Variants in HSPA14 observed in about 807,000 individuals in gnomAD.
The protein encoded by HSPA14 is heat shock protein family A (Hsp70) member 14.
A neutral mutation model predicts 65.5 loss-of-function variants in HSPA14; 37 were observed. The observed-to-expected ratio is 0.56, with a 90% confidence interval of 0.43 to 0.74. HSPA14 has a LOEUF of 0.74. Among genes scored for constraint, HSPA14 ranks in the 30% least tolerant of loss-of-function variants. The pLI is 0.00. For synonymous variants in HSPA14, 203 were observed against 214.2 expected, an observed-to-expected ratio of 0.95 and a Z score of 0.46; for missense variants, 564 against 607.6, an observed-to-expected ratio of 0.93 and a Z score of 0.75.
chr10:14,867,734 A>G lies in HSPA14; in HGVS notation c.1207-2A>G. On this transcript the variant is annotated splice_acceptor_variant, in intron 11 of 13. Transcript: ENST00000378372. LOFTEE classifies it high-confidence loss of function. ...GTATGCACCTTGTTTCCTGCTAACT[A>G]GGGTGTGGACGAATCAGGAGCCAGT... is the stretch of plus-strand genomic sequence containing the variant. 1 of 1,610,566 alleles carries G rather than the reference A, an allele frequency of 6.2e-7. No individual in the cohort carries two copies. The highest frequency in any genetic ancestry group is 8.5e-7 in the Non-Finnish European group (1 of 1,178,910).
chr10:14,845,623 T>C, intron 3 of HSPA14: 1 of 811,474 alleles, frequency 1.2e-6, no homozygotes, highest in African/African-American at 1.9e-5. Context: ...AGAAAAAGTC[T>C]CACTGTTTTG....
At chr10:14,846,076 A>G in intron 3 of HSPA14, 1 of 980,654 alleles carries the variant, frequency 1.0e-6, no homozygotes, top group Non-Finnish European at 1.2e-6. Flanking sequence ...ATTAATATTT[A>G]TTAATATGCT....
intron 3 of HSPA14, chr10:14,845,136 C>A: frequency 1.0e-6 from 1 of 985,426 alleles, no homozygotes; most frequent in Non-Finnish European, 1.2e-6. Flanking sequence ...CAGACACACA[C>A]TGGGGAGAGA....
chr10:14,857,105 A>G (rs1453220116), intron 10 of HSPA14, among the ~76,000 whole-genome samples: 1 of 152,120 alleles, frequency 6.6e-6, no homozygotes, highest in East Asian at 1.9e-4. Context: ...CCATATTACT[A>G]TAGTCTTTTT....
intron 12 of HSPA14, 26 bp downstream of exon 12, chr10:14,867,935 A>G: frequency 6.3e-7 from 1 of 1,581,938 alleles, no homozygotes; most frequent in Non-Finnish European, 8.6e-7. Flanking sequence ...TAGACACATT[A>G]AACTGTTCAA....
intron 12 of HSPA14, among the ~76,000 whole-genome samples, chr10:14,869,758 C>T (rs539755127): frequency 6.6e-6 from 1 of 152,298 alleles, no homozygotes; most frequent in South Asian, 2.1e-4. Context: ...TCCCATGCAC[C>T]AGGTTTTTGA....
chr10:14,842,910 G>T lies in HSPA14; in HGVS notation c.221+2753G>T. On this transcript the variant is annotated intron_variant, in intron 3 of 13. Transcript: ENST00000378372. This position sits in a 1 kb window ranked among gnomAD's most constrained non-coding sequence, Gnocchi z 5.2. ...CTTGTGGCTCTAAACATTTAGCTGT[G>T]TCTGTTTGGATAGTGTCCTCTTCAG... The T allele has an allele frequency of 1.7e-6, 2 of 1,174,866 alleles. No individual in the cohort carries two copies. The highest frequency in any genetic ancestry group is 3.1e-5 in the South Asian group (2 of 64,296). The allele number at this position is 1,174,866 out of a possible 1,614,324, so 72.8% of individuals were successfully genotyped here. A position where few individuals can be genotyped will look rare whatever the true frequency, so the allele number is the denominator to read the frequency against.
intron 10 of HSPA14, among the ~76,000 whole-genome samples, chr10:14,862,541 AT>A (rs912524869): frequency 6.8e-6 from 1 of 146,148 alleles, no homozygotes; most frequent in South Asian, 2.2e-4. Flanking sequence ...CGCCTGGCTA[AT>A]TTTTTTGTAT....
Position 14,848,935 on chromosome 10 carries a change from C to G in HSPA14, c.376+40C>G, listed in dbSNP as rs566647348. The stretch of plus-strand genomic sequence containing the variant: ...ATATATAATAGTTACCTTTAATGAT[C>G]TTTTGAAAGTTGACCTTAAAAAAAA... On this transcript the variant is annotated intron_variant, in intron 5 of 13. Transcript: ENST00000378372. The G allele has an allele frequency of 4.7e-5, 51 of 1,093,878 alleles. No individual in the cohort carries two copies. In the South Asian group the frequency reaches 7.1e-4, roughly 15 times the overall value. 67.8% of individuals were successfully genotyped at this position (1,093,878 alleles called of 1,614,324 possible). A position where few individuals can be genotyped will look rare whatever the true frequency, so the allele number is the denominator to read the frequency against.
At position 14,843,300 on chromosome 10, in the gene HSPA14, C is replaced by A. The variant is rs571563131; in HGVS notation, c.221+3143C>A. The A allele has an allele frequency of 7.1e-4, 1,084 of 1,533,274 alleles. 1 individual carries two copies. The highest frequency in any genetic ancestry group is 8.5e-4 in the Non-Finnish European group (962 of 1,133,150). 95.0% of individuals were successfully genotyped at this position (1,533,274 alleles called of 1,614,324 possible). ...ACCATAGTTTTATAATTTGTCTCAG[C>A]TCTGCTGCTGGCTCCAAGCATTCCC... On this transcript the variant is annotated intron_variant, in intron 3 of 13. Coordinates refer to ENST00000378372, the MANE Select transcript of HSPA14 (RefSeq NM_016299.4).
At chr10:14,846,274 C>A in intron 3 of HSPA14, 1 of 985,286 alleles carries the variant, frequency 1.0e-6, no homozygotes, top group Non-Finnish European at 1.2e-6. Flanking sequence ...AAGTACTTGA[C>A]GGAGAGTTAG....
intron 9 of HSPA14, 38 bp from the exon 10 acceptor site, chr10:14,855,803 G>A (rs1834141704): frequency 2.9e-6 from 3 of 1,031,860 alleles, no homozygotes; most frequent in East Asian, 2.4e-5. Flanking sequence ...TCTTGTCCCT[G>A]TGTCTGTGTG....
chr10:14,848,101 A>G (rs997084829), intron 3 of HSPA14, among the ~76,000 whole-genome samples: 4 of 152,244 alleles, frequency 2.6e-5, no homozygotes, highest in African/African-American at 9.6e-5. Flanking sequence ...ATATCTGTAT[A>G]TATATGCATA....
At chr10:14,848,088 C>T (rs1834076256) in intron 3 of HSPA14, among the ~76,000 whole-genome samples, 1 of 152,180 alleles carries the variant, frequency 6.6e-6, no homozygotes, top group Non-Finnish European at 1.5e-5. Context: ...GCATAAGTTG[C>T]TTATATCTGT....
At chr10:14,871,007 GTTTC>G (rs1340238496) in intron 13 of HSPA14, among the ~76,000 whole-genome samples, 1 of 152,100 alleles carries the variant, frequency 6.6e-6, no homozygotes, top group African/African-American at 2.4e-5. Context: ...GAAAGGGTAA[GTTTC>G]TTTATTGCTG....
intron 3 of HSPA14, chr10:14,844,129 GA>G: frequency 1.5e-6 from 2 of 1,345,124 alleles, no homozygotes; most frequent in Non-Finnish European, 1.9e-6. Flanking sequence ...CCACGTTCTA[GA>G]CAGCTGGTTC....
chr10:14,848,569 A>C, intron 3 of HSPA14, 40 bp from the exon 4 acceptor site: 3 of 1,477,202 alleles, frequency 2.0e-6, no homozygotes, highest in Non-Finnish European at 2.8e-6. Context: ...TACAATACTG[A>C]TTTTAATACT....
At position 14,854,238 on chromosome 10, in the gene HSPA14, A is replaced by C; in HGVS notation, c.848A>C (p.Asp283Ala). 1 of 1,613,298 alleles carries C rather than the reference A, an allele frequency of 6.2e-7. No homozygotes were observed. The highest frequency in any genetic ancestry group is 8.5e-7 in the Non-Finnish European group (1 of 1,179,770). The change falls in exon 9 of 14, where the codon GAC becomes GCC. Residue 283 changes from aspartate (D) to alanine (A), a missense_variant. Transcript: ENST00000378372. ...TTGGGAAGTGCCAACTGTTTTCTTG[A>C]CTCATTATATGAAGGTCAAGATTTT... is the stretch of plus-strand genomic sequence containing the variant. Reference protein sequence around the residue: ...STLGSANCFLDSLYEGQDFDC... With the variant: ...STLGSANCFLASLYEGQDFDC...
At chr10:14,870,569 T>C (rs1206037646) in intron 12 of HSPA14, 28 bp from the exon 13 acceptor site, 3 of 1,568,220 alleles carry the variant, frequency 1.9e-6, no homozygotes, top group African/African-American at 1.4e-5. Flanking sequence ...GATGCTGAAT[T>C]CTCTTCATAT....
Sources: allele counts gnomAD v4.1 joint callset (sites outside exome capture counted in the v4.1 genomes callset), GRCh38; gene constraint gnomAD v4.1.1; non-coding constraint Gnocchi (gnomAD v3.1); transcripts MANE v1.5; gene names NCBI Gene and HGNC (gene_info 2026-07-23, HGNC 2026-07-21).